STUM: variants seen among roughly 807,000 people sequenced by gnomAD.
STUM encodes the protein stum, mechanosensory transduction mediator homolog, also known as protein stum homolog.
STUM carries 8 observed loss-of-function variants against 15.3 expected under a neutral mutation model. The ratio of observed to expected loss-of-function variants is 0.52; its 90% CI spans 0.31 to 0.94. The LOEUF (loss-of-function observed/expected upper bound fraction) is 0.94, where lower values mean the gene tolerates loss of function less well. Ranked by LOEUF, STUM falls within the 40% of genes least tolerant of loss-of-function variation. The pLI, the probability that STUM is intolerant of heterozygous loss-of-function variation, is 0.05. For synonymous variants in STUM, 78 were observed against 88.7 expected (o/e 0.88, Z 0.68); for missense variants, 142 against 204.9 (o/e 0.69, Z 1.87).
intron 1 of STUM, among the ~76,000 whole-genome samples, chr1:226,564,781 G>T (rs1667595472): frequency 6.6e-6 from 1 of 152,164 alleles, no homozygotes; most frequent in Non-Finnish European, 1.5e-5. Context: ...GCTTCTGCTG[G>T]CTGAGATCTG....
At chr1:226,587,911 G>A (rs1668022840) in intron 1 of STUM, among the ~76,000 whole-genome samples, 1 of 152,128 alleles carries the variant, frequency 6.6e-6, no homozygotes, top group African/African-American at 2.4e-5. Flanking sequence ...ATTGTGATGG[G>A]ATCACAATGA....
intron 2 of STUM, among the ~76,000 whole-genome samples, chr1:226,598,994 C>A (rs562333929): frequency 2.6e-4 from 39 of 152,312 alleles, no homozygotes; most frequent in Non-Finnish European, 4.4e-4. Context: ...CAAGTCACTT[C>A]TTTTGTGGAT....
chr1:226,600,995 T>A lies in STUM; in HGVS notation c.391+321T>A, dbSNP rs1480221774. Among the ~76,000 whole-genome samples the A allele has an allele frequency of 6.6e-6, 1 of 152,182 alleles. No homozygotes were observed. Among genetic ancestry groups the A allele is most frequent in the Non-Finnish European group, 1.5e-5 (1 of 68,032 alleles). ...CAAAATTGAGAAATACTCTGCTAAA[T>A]GAAGAGAAAAAAGCAGCTCAATACA... On this transcript the variant is annotated intron_variant, in intron 3 of 3. Transcript: ENST00000366788. This position sits in a 1 kb window ranked among gnomAD's most constrained non-coding sequence, Gnocchi z 5.2.
chr1:226,569,048 C>CT (rs1667666247), intron 1 of STUM, among the ~76,000 whole-genome samples: 1 of 135,184 alleles, frequency 7.4e-6, no homozygotes, highest in Admixed American at 7.0e-5. Context: ...TTTGGTGTCT[C>CT]TTTTCTGGGG....
chr1:226,562,711 A>G (rs1667563006), intron 1 of STUM, among the ~76,000 whole-genome samples: 1 of 152,228 alleles, frequency 6.6e-6, no homozygotes, highest in Non-Finnish European at 1.5e-5. Flanking sequence ...CTTCAAAAGC[A>G]TCATTGTCAT....
intron 1 of STUM, among the ~76,000 whole-genome samples, chr1:226,584,861 G>T (rs1667972850): frequency 6.6e-6 from 1 of 152,144 alleles, no homozygotes; most frequent in African/African-American, 2.4e-5. Flanking sequence ...ATCTCAACAG[G>T]TTGCTTAAAA....
At chr1:226,566,548 A>G (rs1284703625) in intron 1 of STUM, among the ~76,000 whole-genome samples, 3 of 152,202 alleles carry the variant, frequency 2.0e-5, no homozygotes, top group Non-Finnish European at 4.4e-5. Context: ...ATAAATTAGT[A>G]TTTCAGCAAT....
At chr1:226,569,695 T>G (rs1465908456) in intron 1 of STUM, among the ~76,000 whole-genome samples, 1 of 152,040 alleles carries the variant, frequency 6.6e-6, no homozygotes, top group Non-Finnish European at 1.5e-5. Context: ...CTGGGGAAGC[T>G]CAATGTAACG....
At chr1:226,563,076 G>A (rs762977755) in intron 1 of STUM, among the ~76,000 whole-genome samples, 2 of 152,196 alleles carry the variant, frequency 1.3e-5, no homozygotes, top group Non-Finnish European at 2.9e-5. Flanking sequence ...TAAAAGTTGG[G>A]AATCTGGGTA....
At chr1:226,577,706 C>CGCTCTTA (rs1667842027) in intron 1 of STUM, among the ~76,000 whole-genome samples, 2 of 152,292 alleles carry the variant, frequency 1.3e-5, no homozygotes, top group African/African-American at 4.8e-5. Flanking sequence ...CAGCAGCAGC[C>CGCTCTTA]GCTCTTACTG....
At chr1:226,560,297 A>C (rs1260669482) in intron 1 of STUM, among the ~76,000 whole-genome samples, 3 of 152,164 alleles carry the variant, frequency 2.0e-5, no homozygotes, top group Non-Finnish European at 4.4e-5. Context: ...TGACAGGAAC[A>C]CCTTAATCCA....
At chr1:226,564,858 C>T (rs1304903993) in intron 1 of STUM, among the ~76,000 whole-genome samples, 1 of 152,206 alleles carries the variant, frequency 6.6e-6, no homozygotes, top group Non-Finnish European at 1.5e-5. Flanking sequence ...TGATGCATCT[C>T]ATGCATTCCG....
At position 226,552,256 on chromosome 1, in the gene STUM, A is replaced by G. The variant is rs1667385189; in HGVS notation, c.202+3150A>G. ...TGCTGTCTCCTAGGGAGTGGCTGGA[A>G]AGGAGAAGTGATTTATGATCACTCC... On this transcript the variant is annotated intron_variant, in intron 1 of 3. Transcript: ENST00000366788. The surrounding 1 kb of genome is among the most constrained non-coding windows in gnomAD (Gnocchi z 4.7). 6.6e-6 allele frequency among the ~76,000 whole-genome samples: 1 copy of G among 152,088 alleles called. No homozygotes were observed. The highest frequency in any genetic ancestry group is 1.5e-5 in the Non-Finnish European group (1 of 68,014).
intron 1 of STUM, among the ~76,000 whole-genome samples, chr1:226,577,663 T>C (rs1479054348): frequency 6.6e-6 from 1 of 152,058 alleles, no homozygotes; most frequent in Middle Eastern, 3.2e-3. Flanking sequence ...ATTGTCTTCA[T>C]GGGAGTAAGG....
chr1:226,593,694 C>T (rs1237370162), intron 1 of STUM, among the ~76,000 whole-genome samples: 1 of 152,220 alleles, frequency 6.6e-6, no homozygotes, highest in East Asian at 1.9e-4. Context: ...AGAAGAACAG[C>T]TTTGCCTCTC....
intron 1 of STUM, among the ~76,000 whole-genome samples, chr1:226,582,991 C>T (rs2102702898): frequency 6.6e-6 from 1 of 152,320 alleles, no homozygotes; most frequent in South Asian, 2.1e-4. Context: ...TCAAGCTGGG[C>T]TTGGTTATTC....
At position 226,589,453 on chromosome 1, in the gene STUM, C is replaced by T. The variant is rs548461915; in HGVS notation, c.203-7349C>T. On this transcript the variant is annotated intron_variant, in intron 1 of 3. Coordinates refer to ENST00000366788, the MANE Select transcript of STUM (RefSeq NM_001003665.4). ...ACTGCCTTGTCTTGGAGCCTGGGCCCGGAGCTCCTTGGGGAAGCTGAGAGT... is the reference window on the plus strand; with the variant it reads ...ACTGCCTTGTCTTGGAGCCTGGGCCTGGAGCTCCTTGGGGAAGCTGAGAGT... Among the ~76,000 whole-genome samples the T allele has an allele frequency of 3.3e-5, 5 of 152,260 alleles. No homozygotes were observed. The South Asian group carries it at 6.2e-4, about 19-fold the overall frequency.
In STUM at chr1:226,602,053, C is replaced by A; in HGVS notation, c.*13C>A. ...ACAGCAGCTGTGAGCCCACGGGAGC[C>A]GCTGGGGAGATCCAGGGGGGCCCTG... On this transcript the variant is annotated 3_prime_UTR_variant, in exon 4 of 4. Transcript: ENST00000366788. 2 of 1,604,342 alleles carry A rather than the reference C, an allele frequency of 1.2e-6. No individual in the cohort carries two copies. The highest frequency in any genetic ancestry group is 2.2e-5 in the South Asian group (2 of 90,822).
At chr1:226,573,489 C>T (rs1667753720) in intron 1 of STUM, among the ~76,000 whole-genome samples, 1 of 152,158 alleles carries the variant, frequency 6.6e-6, no homozygotes, top group Non-Finnish European at 1.5e-5. Context: ...AAGATGTCCT[C>T]AAGGCTCTGG....
Sources: allele counts gnomAD v4.1 joint callset (sites outside exome capture counted in the v4.1 genomes callset), GRCh38; gene constraint gnomAD v4.1.1; non-coding constraint Gnocchi (gnomAD v3.1); transcripts MANE v1.5; gene names NCBI Gene and HGNC (gene_info 2026-07-23, HGNC 2026-07-21).